MNAT1: variants seen among roughly 807,000 people sequenced by gnomAD.
MNAT1 encodes the protein CDK-activating kinase assembly factor MAT1.
Under a neutral mutation model 42.0 loss-of-function variants are expected in MNAT1, and 43 were observed. The observed-to-expected ratio is 1.02, with a 90% CI of 0.80 to 1.32. The LOEUF is 1.32. Ranked by LOEUF, MNAT1 falls within the 40% of genes most tolerant of loss-of-function variation. The probability of loss-of-function intolerance (pLI) is 0.00; values close to 1 mark genes in which losing one functional copy is unlikely to be tolerated. For synonymous variants in MNAT1, 118 were observed against 120.0 expected, an observed-to-expected ratio of 0.98 and a Z score of 0.11; for missense variants, 306 against 350.4, an observed-to-expected ratio of 0.87 and a Z score of 1.01.
Position 60,763,457 on chromosome 14 carries a change from A to G in MNAT1, c.89+28506A>G, listed in dbSNP as rs4151163. Among the ~76,000 whole-genome samples the G allele has an allele frequency of 1.7e-3, 255 of 152,290 alleles. 1 individual carries two copies. Among genetic ancestry groups the G allele is most frequent in the African/African-American group, 5.4e-3 (226 of 41,572 alleles). ...CCATATTTTTATTTTATAGATGAATAAAATAGGGTACAGAGTGATTAAGTG... is the reference window on the plus strand; with the variant it reads ...CCATATTTTTATTTTATAGATGAATGAAATAGGGTACAGAGTGATTAAGTG... On this transcript the variant is annotated intron_variant, in intron 1 of 7. Transcript: ENST00000261245.
chr14:60,929,888 C>T (rs1180395618), intron 7 of MNAT1, among the ~76,000 whole-genome samples: 2 of 152,016 alleles, frequency 1.3e-5, no homozygotes, highest in African/African-American at 4.8e-5. Flanking sequence ...ATTCCCAAGC[C>T]ATGAAACATT....
chr14:60,924,485 T>C (rs1238458884), intron 7 of MNAT1, among the ~76,000 whole-genome samples: 3 of 151,102 alleles, frequency 2.0e-5, no homozygotes, highest in Admixed American at 2.0e-4. Flanking sequence ...AGAGCTATAA[T>C]AAGAAAAAAT....
intron 1 of MNAT1, among the ~76,000 whole-genome samples, chr14:60,771,585 G>A (rs879475030): frequency 3.9e-5 from 6 of 152,206 alleles, no homozygotes; most frequent in Admixed American, 6.5e-5. Flanking sequence ...AGAAGCCAAA[G>A]TCCTTATAGC....
intron 7 of MNAT1, among the ~76,000 whole-genome samples, chr14:60,937,535 G>C (rs968638784): frequency 1.3e-5 from 2 of 152,108 alleles, no homozygotes; most frequent in African/African-American, 4.8e-5. Context: ...AGATCAGATG[G>C]TTGTAGATAT....
chr14:60,833,054 T>C (rs187981008), intron 6 of MNAT1, among the ~76,000 whole-genome samples: 14 of 152,324 alleles, frequency 9.2e-5, no homozygotes, highest in African/African-American at 3.1e-4. Flanking sequence ...CTGAAGTTGC[T>C]TATCAGCTTA....
At chr14:60,777,554 T>C (rs1264074268) in intron 1 of MNAT1, among the ~76,000 whole-genome samples, 1 of 152,148 alleles carries the variant, frequency 6.6e-6, no homozygotes. Flanking sequence ...AAATTTACAA[T>C]TGTTTTCTTT....
At chr14:60,912,790 GAC>G (rs2035403769) in intron 7 of MNAT1, among the ~76,000 whole-genome samples, 3 of 152,142 alleles carry the variant, frequency 2.0e-5, no homozygotes, top group Non-Finnish European at 4.4e-5. Flanking sequence ...TGGTGAATCT[GAC>G]AGTTATGTGT....
intron 4 of MNAT1, among the ~76,000 whole-genome samples, chr14:60,810,916 G>A (rs2032522317): frequency 1.3e-5 from 2 of 152,102 alleles, no homozygotes; most frequent in Non-Finnish European, 2.9e-5. Flanking sequence ...TTTCCTTACT[G>A]ATCTTCTTTC....
chr14:60,866,268 T>C (rs1339821309), intron 6 of MNAT1, among the ~76,000 whole-genome samples: 1 of 151,656 alleles, frequency 6.6e-6, no homozygotes, highest in African/African-American at 2.4e-5. Context: ...CAGTATACTT[T>C]ATAGGCAATT....
chr14:60,847,200 C>T (rs765277693), intron 6 of MNAT1, among the ~76,000 whole-genome samples: 24 of 151,868 alleles, frequency 1.6e-4, no homozygotes, highest in Non-Finnish European at 3.1e-4. Context: ...GACAGGAGAT[C>T]GAGACCATCC....
At chr14:60,904,392 T>G (rs1366616825) in intron 7 of MNAT1, among the ~76,000 whole-genome samples, 1 of 152,240 alleles carries the variant, frequency 6.6e-6, no homozygotes, top group Non-Finnish European at 1.5e-5. Flanking sequence ...TGTTTGTTTT[T>G]GGGGGCATTT....
At chr14:60,752,640 G>C (rs2030147341) in intron 1 of MNAT1, among the ~76,000 whole-genome samples, 1 of 152,090 alleles carries the variant, frequency 6.6e-6, no homozygotes, top group Non-Finnish European at 1.5e-5. Flanking sequence ...ATTCCAGCCT[G>C]GGTGACAGAG....
chr14:60,847,704 T>A (rs979163155), intron 6 of MNAT1, among the ~76,000 whole-genome samples: 5 of 152,196 alleles, frequency 3.3e-5, no homozygotes, highest in Non-Finnish European at 7.3e-5. Flanking sequence ...AATTATTTTC[T>A]TTTTACTATG....
At chr14:60,825,024 A>G (rs1161037953) in intron 6 of MNAT1, among the ~76,000 whole-genome samples, 4 of 152,240 alleles carry the variant, frequency 2.6e-5, no homozygotes, top group African/African-American at 9.6e-5. Context: ...AGAGTGGGAA[A>G]AAAACAAGCC....
intron 7 of MNAT1, among the ~76,000 whole-genome samples, chr14:60,881,940 A>G (rs1055152613): frequency 1.3e-5 from 2 of 152,102 alleles, no homozygotes; most frequent in African/African-American, 4.8e-5. Context: ...TGGGCAGATC[A>G]CTTGAGGTCA....
At chr14:60,761,132 T>C (rs1032401233) in intron 1 of MNAT1, among the ~76,000 whole-genome samples, 1 of 152,216 alleles carries the variant, frequency 6.6e-6, no homozygotes, top group Non-Finnish European at 1.5e-5. Flanking sequence ...TCATGATCTA[T>C]TTATTTAATT....
intron 6 of MNAT1, among the ~76,000 whole-genome samples, chr14:60,861,032 A>G (rs1258695954): frequency 1.3e-5 from 2 of 152,298 alleles, no homozygotes; most frequent in East Asian, 3.9e-4. Flanking sequence ...ATATGAGAAC[A>G]TAGTGTAGGA....
intron 7 of MNAT1, among the ~76,000 whole-genome samples, chr14:60,910,674 T>C (rs1194583630): frequency 7.9e-5 from 12 of 152,286 alleles, no homozygotes; most frequent in Admixed American, 2.6e-4. Flanking sequence ...AGGGATGAAG[T>C]CCACTTGATC....
At chr14:60,739,179 A>G (rs1896393645) in intron 1 of MNAT1, among the ~76,000 whole-genome samples, 1 of 151,908 alleles carries the variant, frequency 6.6e-6, no homozygotes, top group Non-Finnish European at 1.5e-5. Context: ...AAGATTGGAG[A>G]GATGGATGGG....
Sources: gnomAD v4.1 joint callset for allele counts (sites outside exome capture counted in the v4.1 genomes callset) on GRCh38, gnomAD v4.1.1 for gene constraint, MANE v1.5 for transcripts, NCBI Gene and HGNC (gene_info 2026-07-23, HGNC 2026-07-21) for gene names.